Variants in LRRC43 observed in about 807,000 individuals in gnomAD.
The protein encoded by LRRC43 is leucine-rich repeat-containing protein 43.
LRRC43 carries 62 observed loss-of-function variants against 64.3 expected under a neutral mutation model. The ratio of observed to expected loss-of-function variants is 0.96; its 90% confidence interval spans 0.79 to 1.19. The LOEUF is 1.19. Among genes scored for constraint, LRRC43 ranks in the 50% most tolerant of loss-of-function variants. The pLI is 0.00. For missense variants in LRRC43, 868 were observed against 845.0 expected (o/e 1.03, Z -0.34); for synonymous variants, 422 against 382.3 (o/e 1.10, Z -1.21).
chr12:122,186,788 ATG>A (rs1566007837), intron 3 of LRRC43, among the ~76,000 whole-genome samples: 9 of 152,118 alleles, frequency 5.9e-5, no homozygotes, highest in African/African-American at 2.2e-4. Context: ...GTGTGGTGGC[ATG>A]CGCCTGTAGT....
At chr12:122,190,405 G>T in intron 5 of LRRC43, 37 bp downstream of exon 5, 2 of 1,544,114 alleles carry the variant, frequency 1.3e-6, no homozygotes, top group Non-Finnish European at 8.9e-7. Context: ...GGTGGCATGT[G>T]ACACCCCAGC....
intron 1 of LRRC43, chr12:122,171,931 C>T (rs1276569572): frequency 6.4e-6 from 1 of 156,174 alleles, no homozygotes; most frequent in Non-Finnish European, 1.4e-5. Flanking sequence ...AGAAGCGATA[C>T]CTCTTTCTAG....
chr12:122,182,620 G>A (rs144318692), upstream of LRRC43, among the ~76,000 whole-genome samples: 1,071 of 152,050 alleles, frequency 7.0e-3, 15 homozygotes, highest in African/African-American at 0.025. Context: ...TTGAACCCGG[G>A]ACACGGAGAT....
intron 1 of LRRC43, chr12:122,174,040 C>A: frequency 6.2e-7 from 1 of 1,613,210 alleles, no homozygotes; most frequent in Non-Finnish European, 8.5e-7. Flanking sequence ...CACCCCTGCC[C>A]ACCCTGGCTC....
chr12:122,181,319 G>A (rs1178448168), upstream of LRRC43, among the ~76,000 whole-genome samples: 4 of 151,992 alleles, frequency 2.6e-5, no homozygotes, highest in South Asian at 2.1e-4. Flanking sequence ...TGAGGTGGGC[G>A]GATGACGAGG....
At chr12:122,172,336 G>C in intron 1 of LRRC43, 1 of 1,047,258 alleles carries the variant, frequency 9.5e-7, no homozygotes, top group Non-Finnish European at 1.4e-6. Flanking sequence ...AATCACGGCA[G>C]AGTTCCCACA....
chr12:122,186,091 C>T (rs555459952), intron 2 of LRRC43, 99 bp from the exon 3 acceptor site: 5 of 699,846 alleles, frequency 7.1e-6, no homozygotes, highest in South Asian at 1.7e-5. Context: ...GGGGAAGTAA[C>T]TCTGATGGAG....
At position 122,184,597 on chromosome 12, in the gene LRRC43, G is replaced by T. The variant is rs750177453; in HGVS notation, c.229G>T (p.Gly77Ter). ...VPREEDVVSPGEETVEALLGL... is the reference protein window; with the variant it reads ...VPREEDVVSP The stretch of plus-strand genomic sequence containing the variant: ...CAGAGAGGAGGATGTGGTGAGCCCC[G>T]GAGAGGAGACGGTGGAGGCCCTGCT... Residue 77 changes from glycine (G) to a stop codon, truncating the protein, a stop_gained, in exon 2 of 12, where the codon GGA (glycine) becomes TGA (stop). Transcript: ENST00000339777. LOFTEE classifies it high-confidence loss of function. This position sits in a 1 kb window ranked among gnomAD's most constrained non-coding sequence, Gnocchi z 4.0. 6.2e-7 allele frequency: 1 copy of T among 1,613,918 alleles called. No homozygotes were observed. Among genetic ancestry groups the T allele is most frequent in the Admixed American group, 1.7e-5 (1 of 60,008 alleles).
chr12:122,193,381 TAAAAAA>T (rs34910328), intron 7 of LRRC43, among the ~76,000 whole-genome samples: 43 of 47,182 alleles, frequency 9.1e-4, no homozygotes, highest in African/African-American at 3.1e-3. Flanking sequence ...CTCCGTCTCA[TAAAAAA>T]AAAAAAAAAA....
chr12:122,198,039 G>C (rs545424455), intron 7 of LRRC43, among the ~76,000 whole-genome samples: 2 of 151,890 alleles, frequency 1.3e-5, no homozygotes, highest in Non-Finnish European at 2.9e-5. Context: ...GGAGTGCAGT[G>C]GTGTGCTCTC....
In LRRC43 at chr12:122,200,121, C is replaced by A; in HGVS notation, c.1350-68C>A. 1 of 1,553,392 alleles carries A rather than the reference C, an allele frequency of 6.4e-7. No individual in the cohort carries two copies. The highest frequency in any genetic ancestry group is 1.2e-5 in the South Asian group (1 of 84,634). ...GTCTCCTCGGATGTCCCCTCACAGT[C>A]CTGTCCCGGGTCCCTGGCCACAGCC... On this transcript the variant is annotated intron_variant, in intron 7 of 11. Transcript: ENST00000339777. The surrounding 1 kb of genome is among the most constrained non-coding windows in gnomAD (Gnocchi z 4.6).
intron 6 of LRRC43, 98 bp from the exon 7 acceptor site, chr12:122,192,647 C>T (rs1429477067): frequency 7.1e-7 from 1 of 1,406,536 alleles, no homozygotes; most frequent in Non-Finnish European, 9.8e-7. Flanking sequence ...GCGTGAACCT[C>T]ATCCAGATGT....
rs1246909930 is a variant in LRRC43, at chr12:122,189,973, C to T, written c.663-157C>T. On this transcript the variant is annotated intron_variant, in intron 4 of 11. Transcript: ENST00000339777. ...AGATGAAGAGCCAGGCACTCGTTCC[C>T]GACCCGGGGTTAACTTGGGTCAAGG... The T allele has an allele frequency of 1.7e-5, 12 of 699,388 alleles. No individual in the cohort carries two copies. The Middle Eastern group carries it at 1.1e-3, about 63-fold the overall frequency. 43.3% of individuals were successfully genotyped at this position (699,388 alleles called of 1,614,324 possible).
Position 122,188,827 on chromosome 12 carries a change from C to T in LRRC43, c.662+987C>T, listed in dbSNP as rs1409413772. On this transcript the variant is annotated intron_variant, in intron 4 of 11. Coordinates refer to ENST00000339777, the MANE Select transcript of LRRC43 (RefSeq NM_001098519.2). The stretch of plus-strand genomic sequence containing the variant: ...CCCTTTGATGTGGGGCTGTCCTGGG[C>T]ATGGTGGGATATTGAGCAGCATACC... Among the ~76,000 whole-genome samples, 3 of 152,320 alleles carry T rather than the reference C, an allele frequency of 2.0e-5. No individual in the cohort carries two copies. The East Asian group carries it at 5.8e-4, about 29-fold the overall frequency.
chr12:122,169,681 A>G (rs957717224), intron 1 of LRRC43, among the ~76,000 whole-genome samples: 1 of 137,534 alleles, frequency 7.3e-6, no homozygotes, highest in Non-Finnish European at 1.5e-5. Flanking sequence ...GTGCCACTGC[A>G]CTCCAGCCTG....
chr12:122,175,255 C>T (rs1017216555), intron 1 of LRRC43, among the ~76,000 whole-genome samples: 3 of 151,906 alleles, frequency 2.0e-5, no homozygotes, highest in East Asian at 1.9e-4. Context: ...CTGCAACCTC[C>T]ACTTCCCAGG....
rs1953643776 is a variant in LRRC43 at position 122,186,305 on chromosome 12, A to T, written c.522+5A>T. ...AATCTGCCCCCCACACTCAAGGTGA[A>T]GGAGCCCCGGTCTGTGTTGAGTATT... On this transcript the variant is annotated splice_donor_5th_base_variant and intron_variant, in intron 3 of 11. Transcript: ENST00000339777. 1 of 1,572,920 alleles carries T rather than the reference A, an allele frequency of 6.4e-7. No individual in the cohort carries two copies. Among genetic ancestry groups the T allele is most frequent in the African/African-American group, 1.4e-5 (1 of 73,774 alleles).
Position 122,203,372 on chromosome 12 carries a change from C to T in LRRC43, c.1901C>T (p.Thr634Ile). The T allele has an allele frequency of 1.2e-6, 2 of 1,613,462 alleles. No homozygotes were observed. The change falls in exon 12 of 12, where the codon ACC becomes ATC. Residue 634 changes from threonine (T) to isoleucine (I), a missense_variant. Physicochemically the swap from Thr to Ile is moderately conservative, Grantham distance 89. Transcript: ENST00000339777. ...YEGDYHPEPL[T>I]VEVQIQLNQC... is the part of the protein sequence containing the mutation. Reference sequence around the variant, plus strand: ...GGCGATTACCACCCTGAGCCCCTGACCGTAGAGGTGCAGATCCAGCTGAAC... The same window carrying T: ...GGCGATTACCACCCTGAGCCCCTGATCGTAGAGGTGCAGATCCAGCTGAAC...
In LRRC43 at chr12:122,183,253, A is replaced by C. The variant is rs775440236; in HGVS notation, c.109A>C (p.Lys37Gln). ...VSAAVREHLR[K>Q]LCLREFPCGA... ...CGCGGCCGTGCGCGAGCACTTGCGG[A>C]AGCTGTGTCTGCGCGAGTTCCCGTG... Residue 37 changes from lysine (K) to glutamine (Q), a missense_variant, in exon 1 of 12, where the codon AAG (lysine) becomes CAG (glutamine). Transcript: ENST00000339777. 348 of 1,566,844 alleles carry C rather than the reference A, an allele frequency of 2.2e-4. No homozygotes were observed. The highest frequency in any genetic ancestry group is 2.6e-4 in the Non-Finnish European group (306 of 1,166,380).
Sources: gnomAD v4.1 joint callset for allele counts (sites outside exome capture counted in the v4.1 genomes callset) on GRCh38, gnomAD v4.1.1 for gene constraint, Gnocchi (gnomAD v3.1) non-coding constraint, MANE v1.5 for transcripts, NCBI Gene and HGNC (gene_info 2026-07-23, HGNC 2026-07-21) for gene names.